Variants in KSR2 observed in about 807,000 individuals in gnomAD.
The protein encoded by KSR2 is kinase suppressor of ras 2.
In KSR2, 25 loss-of-function variants were observed where a neutral mutation model predicts 107.8. The observed-to-expected ratio is 0.23, with a 90% CI of 0.17 to 0.32. KSR2 has a LOEUF of 0.32. KSR2 is among the 10% of genes least tolerant of loss of function. KSR2 has a pLI of 1.00. For missense variants in KSR2, 887 were observed against 1,268.9 expected (o/e 0.70, Z 4.57); for synonymous variants, 480 against 507.0 (o/e 0.95, Z 0.71).
Position 117,579,635 on chromosome 12 carries a change from A to C in KSR2, c.1242-433T>G, listed in dbSNP as rs570344522. 3.4e-4 allele frequency among the ~76,000 whole-genome samples: 52 copies of C among 152,324 alleles called. 1 individual carries two copies. The highest frequency in any genetic ancestry group is 1.2e-3 in the African/African-American group (48 of 41,564). ...GCTGGAACTGCCTGTAGAAAGCTAC[A>C]AAGCAAGGTGGAGCCTCCTGGGGGA... On this transcript the variant is annotated intron_variant, in intron 6 of 19. Coordinates refer to ENST00000339824, the MANE Select transcript of KSR2 (RefSeq NM_173598.6).
intron 1 of KSR2, among the ~76,000 whole-genome samples, chr12:117,872,537 C>T (rs968420863): frequency 2.0e-5 from 3 of 150,480 alleles, no homozygotes; most frequent in Non-Finnish European, 4.4e-5. Flanking sequence ...TGCAGTCCCA[C>T]AGGGACAGCA....
intron 1 of KSR2, among the ~76,000 whole-genome samples, chr12:117,913,529 G>T (rs536303122): frequency 1.3e-5 from 2 of 152,214 alleles, no homozygotes; most frequent in African/African-American, 4.8e-5. Flanking sequence ...TACTCAAAAG[G>T]GTGGGCCCTA....
At chr12:117,754,994 C>T (rs1888738560) in intron 4 of KSR2, among the ~76,000 whole-genome samples, 2 of 152,162 alleles carry the variant, frequency 1.3e-5, no homozygotes, top group Non-Finnish European at 2.9e-5. Context: ...TAGTTAGCCA[C>T]AGAGATGGTT....
chr12:117,566,244 T>G (rs1878485963), intron 7 of KSR2, among the ~76,000 whole-genome samples: 1 of 152,156 alleles, frequency 6.6e-6, no homozygotes, highest in African/African-American at 2.4e-5. Flanking sequence ...CTCAGCCTCC[T>G]GAGTAGCTGG....
intron 3 of KSR2, among the ~76,000 whole-genome samples, chr12:117,767,500 T>C (rs1299314918): frequency 1.3e-5 from 2 of 151,236 alleles, no homozygotes; most frequent in African/African-American, 4.9e-5. Flanking sequence ...GGAAGATGAT[T>C]GTGAAGTCTA....
intron 4 of KSR2, among the ~76,000 whole-genome samples, chr12:117,760,026 T>C (rs900059423): frequency 1.3e-5 from 2 of 152,188 alleles, no homozygotes; most frequent in Non-Finnish European, 2.9e-5. Flanking sequence ...GGAGAATCAC[T>C]TGAACCTGGG....
intron 3 of KSR2, among the ~76,000 whole-genome samples, chr12:117,816,800 G>C (rs1244976008): frequency 6.6e-6 from 1 of 152,212 alleles, no homozygotes; most frequent in Non-Finnish European, 1.5e-5. Flanking sequence ...CTGTGGCAAA[G>C]AACGATCATC....
At chr12:117,793,603 A>G (rs374324750) in intron 3 of KSR2, among the ~76,000 whole-genome samples, 15 of 143,178 alleles carry the variant, frequency 1.0e-4, no homozygotes, top group African/African-American at 3.8e-4. Flanking sequence ...ACATACACCA[A>G]CATGCACACT....
chr12:117,832,318 G>A (rs930936839), intron 3 of KSR2, among the ~76,000 whole-genome samples: 1 of 152,016 alleles, frequency 6.6e-6, no homozygotes, highest in Non-Finnish European at 1.5e-5. Flanking sequence ...ATCTTGTACC[G>A]TGTCCGCATC....
intron 16 of KSR2, among the ~76,000 whole-genome samples, chr12:117,480,230 T>G (rs1872086898): frequency 6.6e-6 from 1 of 152,112 alleles, no homozygotes; most frequent in African/African-American, 2.4e-5. Context: ...GCTCCCATCT[T>G]TTTGCAAACA....
At chr12:117,501,129 G>A (rs1873350347) in intron 14 of KSR2, among the ~76,000 whole-genome samples, 1 of 152,356 alleles carries the variant, frequency 6.6e-6, no homozygotes, top group Non-Finnish European at 1.5e-5. Flanking sequence ...AATTTCAAAA[G>A]AAGAGTAATA....
At chr12:117,637,463 C>T (rs1481436211) in intron 5 of KSR2, among the ~76,000 whole-genome samples, 1 of 152,138 alleles carries the variant, frequency 6.6e-6, no homozygotes, top group Non-Finnish European at 1.5e-5. Flanking sequence ...GTCAATAGCA[C>T]TGAGGTTGAG....
intron 1 of KSR2, among the ~76,000 whole-genome samples, chr12:117,946,587 T>G (rs1353318495): frequency 6.6e-6 from 1 of 152,072 alleles, no homozygotes; most frequent in African/African-American, 2.4e-5. Context: ...AATTTGTAGT[T>G]AAAAACTTTC....
intron 5 of KSR2, among the ~76,000 whole-genome samples, chr12:117,643,004 AG>A (rs1883450085): frequency 6.6e-6 from 1 of 152,194 alleles, no homozygotes; most frequent in African/African-American, 2.4e-5. Flanking sequence ...TTTAGAAGAG[AG>A]GTTTTATTGC....
Position 117,469,755 on chromosome 12 carries a change from C to G in KSR2, c.2753G>C (p.Arg918Thr). The G allele has an allele frequency of 6.2e-7, 1 of 1,613,916 alleles. No individual in the cohort carries two copies. Among genetic ancestry groups the G allele is most frequent in the Non-Finnish European group, 8.5e-7 (1 of 1,179,848 alleles). The change falls in exon 19 of 20, where the codon AGA becomes ACA. Residue 918 changes from arginine to threonine, a missense_variant. Arg to Thr is a moderately conservative substitution (Grantham distance 71). Around this residue, in one of 8 missense-constraint regions of KSR2, gnomAD observed 308 missense variants for 506.2 expected, o/e 0.61. Transcript: ENST00000339824. ...GTCCATGAGCTTGGTGAAGGTAGGT[C>G]TCTCTTCTTGTTCAAAGGCCCAGCA... ...LFCWAFEQEE[R>T]PTFTKLMDML...
At chr12:117,885,300 C>A (rs1388750723) in intron 1 of KSR2, among the ~76,000 whole-genome samples, 1 of 152,190 alleles carries the variant, frequency 6.6e-6, no homozygotes, top group Non-Finnish European at 1.5e-5. Flanking sequence ...CAAGCACTTT[C>A]CATGCAGATC....
chr12:117,479,454 C>T (rs1872015466), intron 16 of KSR2, among the ~76,000 whole-genome samples: 1 of 152,168 alleles, frequency 6.6e-6, no homozygotes, highest in Non-Finnish European at 1.5e-5. Flanking sequence ...CTGGGCAGTT[C>T]TTTGTTGTTG....
At chr12:117,967,956 ACCCCCAG>A in intron 1 of KSR2, 113 bp downstream of exon 1, 2 of 889,326 alleles carry the variant, frequency 2.2e-6, no homozygotes, top group Non-Finnish European at 3.4e-6. Flanking sequence ...CCACACCACC[ACCCCCAG>A]CCCCCAATAA....
At chr12:117,677,688 G>A (rs969369335) in intron 4 of KSR2, among the ~76,000 whole-genome samples, 21 of 152,084 alleles carry the variant, frequency 1.4e-4, no homozygotes, top group Admixed American at 2.6e-4. Context: ...ACACAGGACT[G>A]GCCACTTTAT....
Sources: allele counts gnomAD v4.1 joint callset (sites outside exome capture counted in the v4.1 genomes callset), GRCh38; gene constraint gnomAD v4.1.1; regional missense constraint gnomAD v4.1.1; transcripts MANE v1.5; gene names NCBI Gene and HGNC (gene_info 2026-07-23, HGNC 2026-07-21).